SGIP1: variants seen among roughly 807,000 people sequenced by gnomAD.
SGIP1 encodes the protein SH3-containing GRB2-like protein 3-interacting protein 1.
Under a neutral mutation model 107.5 loss-of-function variants are expected in SGIP1, and 38 were observed. The ratio of observed to expected loss-of-function variants is 0.35; its 90% CI spans 0.27 to 0.46. SGIP1 has a LOEUF of 0.46. SGIP1 is among the 20% of genes least tolerant of loss of function. The probability of loss-of-function intolerance (pLI) is 1.00; values close to 1 mark genes in which losing one functional copy is unlikely to be tolerated. For synonymous variants in SGIP1, 365 were observed against 366.1 expected, an observed-to-expected ratio of 1.00 and a Z score of 0.03; for missense variants, 929 against 1,019.5, an observed-to-expected ratio of 0.91 and a Z score of 1.21.
intron 24 of SGIP1, among the ~76,000 whole-genome samples, chr1:66,742,530 C>T (rs1389092530): frequency 8.6e-6 from 1 of 116,310 alleles, no homozygotes; most frequent in Non-Finnish European, 1.6e-5. Context: ...AGTGCAGTGG[C>T]GCTATCCCGG....
intron 1 of SGIP1, among the ~76,000 whole-genome samples, chr1:66,590,087 C>A (rs1052355828): frequency 6.6e-6 from 1 of 152,142 alleles, no homozygotes; most frequent in Non-Finnish European, 1.5e-5. Flanking sequence ...ACAACCACCA[C>A]GTCCAATTCA....
intron 1 of SGIP1, among the ~76,000 whole-genome samples, chr1:66,563,089 A>T (rs2059180477): frequency 6.6e-6 from 1 of 152,038 alleles, no homozygotes; most frequent in East Asian, 1.9e-4. Context: ...ATTAGTATGA[A>T]GTAGAAAGAG....
At chr1:66,578,373 G>C (rs1403918006) in intron 1 of SGIP1, among the ~76,000 whole-genome samples, 2 of 152,160 alleles carry the variant, frequency 1.3e-5, no homozygotes, top group African/African-American at 4.8e-5. Context: ...TTTATAAGCT[G>C]CTCGGGAAGA....
chr1:66,649,365 G>T (rs1403133703), intron 7 of SGIP1, among the ~76,000 whole-genome samples: 1 of 152,218 alleles, frequency 6.6e-6, no homozygotes, highest in East Asian at 1.9e-4. Flanking sequence ...CCTGACCTCA[G>T]CCTCTTGCTA....
chr1:66,675,946 C>T (rs1291180375), intron 12 of SGIP1, among the ~76,000 whole-genome samples: 2 of 152,188 alleles, frequency 1.3e-5, no homozygotes, highest in Non-Finnish European at 2.9e-5. Context: ...GTGGACACCT[C>T]ATTAAACCAC....
At chr1:66,662,893 A>C (rs2081811165) in intron 8 of SGIP1, among the ~76,000 whole-genome samples, 1 of 152,228 alleles carries the variant, frequency 6.6e-6, no homozygotes, top group Admixed American at 6.5e-5. Context: ...ACATAGAAAT[A>C]TAGCAATAAT....
At position 66,546,504 on chromosome 1, in the gene SGIP1, C is replaced by T. The variant is rs186639699; in HGVS notation, c.10+12136C>T. On this transcript the variant is annotated intron_variant, in intron 1 of 24. Coordinates refer to ENST00000371037, the MANE Select transcript of SGIP1 (RefSeq NM_032291.4). ...AGACAGACAACCTGAAGTTCCTTAA[C>T]CCTTGGTGATCTCATCAGCATCATA... 6.6e-5 allele frequency among the ~76,000 whole-genome samples: 10 copies of T among 152,344 alleles called. No individual in the cohort carries two copies. In the East Asian group the frequency reaches 1.7e-3, roughly 26 times the overall value.
intron 10 of SGIP1, 139 bp downstream of exon 10, chr1:66,671,158 C>T (rs2083695398): frequency 2.4e-6 from 1 of 415,914 alleles, no homozygotes; most frequent in Non-Finnish European, 4.4e-6. Context: ...ACTTTTACAG[C>T]AAAGAATTCT....
chr1:66,662,929 C>T (rs2081821765), intron 8 of SGIP1, among the ~76,000 whole-genome samples: 1 of 152,082 alleles, frequency 6.6e-6, no homozygotes, highest in Admixed American at 6.6e-5. Flanking sequence ...TTACTGAGAG[C>T]TTATTATGTA....
At chr1:66,586,213 A>T (rs933995660) in intron 1 of SGIP1, among the ~76,000 whole-genome samples, 1 of 152,052 alleles carries the variant, frequency 6.6e-6, no homozygotes, top group African/African-American at 2.4e-5. Flanking sequence ...TTTGCCTTCA[A>T]TTTGCCTAGG....
chr1:66,726,349 C>A (rs187460065), intron 19 of SGIP1, among the ~76,000 whole-genome samples: 317 of 152,178 alleles, frequency 2.1e-3, no homozygotes, highest in African/African-American at 7.2e-3. Flanking sequence ...AACGGGGAGG[C>A]AATGATTGAT....
intron 19 of SGIP1, among the ~76,000 whole-genome samples, chr1:66,725,150 C>G (rs927800547): frequency 1.3e-5 from 2 of 152,080 alleles, no homozygotes; most frequent in Non-Finnish European, 2.9e-5. Flanking sequence ...TTCCAGAAAC[C>G]AAAAATCCCA....
At chr1:66,624,150 G>A (rs1368240323) in intron 1 of SGIP1, among the ~76,000 whole-genome samples, 1 of 129,692 alleles carries the variant, frequency 7.7e-6, no homozygotes, top group Non-Finnish European at 1.6e-5. Flanking sequence ...AAAACCAGTG[G>A]TGATTGCTGA....
chr1:66,690,553 G>A (rs990390248), intron 17 of SGIP1: 1 of 535,600 alleles, frequency 1.9e-6, no homozygotes, highest in Non-Finnish European at 3.3e-6. Flanking sequence ...ATTTTCTTAT[G>A]CTGTTCCATA....
At chr1:66,647,248 A>G (rs1361486839) in intron 7 of SGIP1, among the ~76,000 whole-genome samples, 1 of 152,182 alleles carries the variant, frequency 6.6e-6, no homozygotes, top group Non-Finnish European at 1.5e-5. Flanking sequence ...CTGCCTTACC[A>G]CTGCAAGTAC....
At chr1:66,689,649 A>G (rs2089358920) in intron 16 of SGIP1, among the ~76,000 whole-genome samples, 1 of 152,256 alleles carries the variant, frequency 6.6e-6, no homozygotes, top group African/African-American at 2.4e-5. Flanking sequence ...TATTGATTGT[A>G]GGCACATGAT....
intron 21 of SGIP1, among the ~76,000 whole-genome samples, chr1:66,737,449 T>G (rs2094305373): frequency 6.6e-6 from 1 of 152,090 alleles, no homozygotes; most frequent in African/African-American, 2.4e-5. Context: ...TCCTAACACT[T>G]TGGGAGGCTG....
At chr1:66,723,964 G>A (rs375417672) in intron 19 of SGIP1, among the ~76,000 whole-genome samples, 5 of 152,240 alleles carry the variant, frequency 3.3e-5, no homozygotes, top group African/African-American at 7.2e-5. Context: ...GAAATGTTTC[G>A]GAAAGGCCTT....
Position 66,729,271 on chromosome 1 carries a change from G to T in SGIP1, c.1750G>T (p.Val584Phe). 1 of 1,613,812 alleles carries T rather than the reference G, an allele frequency of 6.2e-7. No individual in the cohort carries two copies. The change falls in exon 20 of 25, where the codon GTT becomes TTT. Residue 584 changes from valine to phenylalanine, a missense_variant. This residue lies in a region of SGIP1 where 341 missense variants were observed against 430.9 expected (regional missense o/e 0.79). Coordinates refer to ENST00000371037, the MANE Select transcript of SGIP1 (RefSeq NM_032291.4). ...TGTGTTTTGATATGCCAGATGTATCGTTAAGATTACCGGAGAAATGGTGTT... is the reference window on the plus strand; with the variant it reads ...TGTGTTTTGATATGCCAGATGTATCTTTAAGATTACCGGAGAAATGGTGTT... ...FKGADPSKCI[V>F]KITGEMVLSF...
Sources: gnomAD v4.1 joint callset for allele counts (sites outside exome capture counted in the v4.1 genomes callset) on GRCh38, gnomAD v4.1.1 for gene constraint, gnomAD v4.1.1 regional missense constraint, MANE v1.5 for transcripts, NCBI Gene and HGNC (gene_info 2026-07-23, HGNC 2026-07-21) for gene names.